The following HOOK2 variants were observed in gnomAD, a reference collection of about 807,000 sequenced individuals.
HOOK2 encodes protein Hook homolog 2.
In HOOK2, 108 loss-of-function variants were observed where a neutral mutation model predicts 111.9. The ratio of observed to expected loss-of-function variants is 0.96; its 90% CI spans 0.83 to 1.13. The LOEUF (loss-of-function observed/expected upper bound fraction) is 1.13. Among genes scored for constraint, HOOK2 ranks in the 50% most tolerant of loss-of-function variants. The pLI is 0.00. For synonymous variants in HOOK2, 405 were observed against 394.3 expected (o/e 1.03, Z -0.32); for missense variants, 978 against 951.3 (o/e 1.03, Z -0.37).
rs1402228016 is a variant in HOOK2, at chr19:12,790,416, G to A, written n.42-16191C>T. On this transcript the variant is annotated intron_variant and non_coding_transcript_variant, in intron 3 of 3. Transcript: ENST00000589765. This position sits in a 1 kb window ranked among gnomAD's most constrained non-coding sequence, Gnocchi z 7.2. ...CGACCGCGCCCCAGCCGTCGGGCTGGGTCCAGGCTCTAGGAGCCGACACGG... is the reference window on the plus strand; with the variant it reads ...CGACCGCGCCCCAGCCGTCGGGCTGAGTCCAGGCTCTAGGAGCCGACACGG... Among the ~76,000 whole-genome samples, 4 of 152,244 alleles carry A rather than the reference G, an allele frequency of 2.6e-5. No individual in the cohort carries two copies. Among genetic ancestry groups the A allele is most frequent in the Admixed American group, 6.5e-5 (1 of 15,284 alleles).
rs1330232985 is a variant in HOOK2, at chr19:12,790,796, T to A, written n.42-16571A>T. 6.6e-6 allele frequency among the ~76,000 whole-genome samples: 1 copy of A among 152,168 alleles called. No homozygotes were observed. Among genetic ancestry groups the A allele is most frequent in the Non-Finnish European group, 1.5e-5 (1 of 68,016 alleles). On this transcript the variant is annotated intron_variant and non_coding_transcript_variant, in intron 3 of 3. Coordinates refer to the HOOK2 transcript ENST00000589765. This position sits in a 1 kb window ranked among gnomAD's most constrained non-coding sequence, Gnocchi z 7.2. ...GCTTTCTGCATATCTAGACTTCCCC[T>A]AATGCCTCCTTCCCGCTTACGGGAG...
In HOOK2 at chr19:12,791,488, G is replaced by T. The variant is rs1425425214; in HGVS notation, n.42-17263C>A. On this transcript the variant is annotated intron_variant and non_coding_transcript_variant, in intron 3 of 3. Transcript: ENST00000589765. This position sits in a 1 kb window ranked among gnomAD's most constrained non-coding sequence, Gnocchi z 7.0. ...CGTGTGGCTCAGGCTGAGCGGCTGG[G>T]ACCTTGAGAGCGGCCAGGCCAGCCT... The T allele has an allele frequency of 5.2e-6, 2 of 385,048 alleles. No individual in the cohort carries two copies. The highest frequency in any genetic ancestry group is 9.3e-6 in the Non-Finnish European group (2 of 214,110). The allele number at this position is 385,048 out of a possible 1,614,324, so 23.9% of individuals were successfully genotyped here.
Position 12,769,975 on chromosome 19 carries a change from C to A in HOOK2, c.1010G>T (p.Arg337Leu). Reference protein sequence around the residue: ...LRRQVRQLEERNAGHAERTRQ... With the variant: ...LRRQVRQLEELNAGHAERTRQ... ...CGTGCGCTCGGCGTGGCCGGCGTTG[C>A]GTTCCTCCAGCTGCCGCACCTGCCG... Residue 337 changes from arginine to leucine, a missense_variant, in exon 11 of 23, where the codon CGC becomes CTC. Transcript: ENST00000397668. 6.4e-7 allele frequency: 1 copy of A among 1,551,346 alleles called. No homozygotes were observed. Among genetic ancestry groups the A allele is most frequent in the Non-Finnish European group, 8.7e-7 (1 of 1,154,668 alleles).
upstream of HOOK2, among the ~76,000 whole-genome samples, chr19:12,776,213 G>C (rs894890477): frequency 2.6e-5 from 4 of 151,794 alleles, no homozygotes; most frequent in African/African-American, 9.7e-5. Flanking sequence ...TTTATAATCG[G>C]AGCCGTTGTG....
At chr19:12,775,292 G>A in intron 1 of HOOK2, 113 bp downstream of exon 1, 2 of 1,493,752 alleles carry the variant, frequency 1.3e-6, no homozygotes, top group Non-Finnish European at 1.8e-6. Context: ...CCAGCAAGTC[G>A]ACGACCCCGC....
At chr19:12,768,963 A>ATTTT (rs757287596) in intron 11 of HOOK2, among the ~76,000 whole-genome samples, 15 of 122,320 alleles carry the variant, frequency 1.2e-4, no homozygotes, top group Admixed American at 1.7e-4. Context: ...AGCCCGGCTA[A>ATTTT]TTTTTTTTTT....
At position 12,791,770 on chromosome 19, in the gene HOOK2, G is replaced by T. The variant is rs1409996237; in HGVS notation, n.42-17545C>A. 6.3e-7 allele frequency: 1 copy of T among 1,598,712 alleles called. No homozygotes were observed. The highest frequency in any genetic ancestry group is 1.3e-5 in the African/African-American group (1 of 74,594). The stretch of plus-strand genomic sequence containing the variant: ...CCTCCCCAGACCGCCTGGGCCGCCC[G>T]GATGTGCACTAAAATGGAACAGCCC... On this transcript the variant is annotated intron_variant and non_coding_transcript_variant, in intron 3 of 3. Transcript: ENST00000589765. The surrounding 1 kb of genome is among the most constrained non-coding windows in gnomAD (Gnocchi z 7.0).
chr19:12,777,483 G>T (rs1456062974), upstream of HOOK2, among the ~76,000 whole-genome samples: 4 of 152,164 alleles, frequency 2.6e-5, no homozygotes, highest in Non-Finnish European at 5.9e-5. Context: ...CCTGTTTCAA[G>T]AAATAAATAA....
At chr19:12,765,548 G>A in intron 18 of HOOK2, 142 bp downstream of exon 18, 4 of 1,178,752 alleles carry the variant, frequency 3.4e-6, no homozygotes, top group Non-Finnish European at 3.7e-6. Flanking sequence ...AGGAGTCCGA[G>A]ACCAGCCTGG....
At chr19:12,779,339 A>G (rs1454663827), upstream of HOOK2, among the ~76,000 whole-genome samples, 3 of 152,094 alleles carry the variant, frequency 2.0e-5, no homozygotes. Context: ...CCACAACTGG[A>G]GAACAGTGCC....
intron 18 of HOOK2, 48 bp from the exon 19 acceptor site, chr19:12,765,129 C>G: frequency 6.3e-7 from 1 of 1,593,892 alleles, no homozygotes; most frequent in Non-Finnish European, 8.6e-7. Context: ...GGGCTGGCTT[C>G]TCTTTTGTCC....
At chr19:12,792,296 C>A (rs1968729687) in intron 3 of HOOK2, 1 of 1,498,822 alleles carries the variant, frequency 6.7e-7, no homozygotes, top group South Asian at 1.3e-5. Context: ...TCTACGCCGG[C>A]CCGGAGCCAC....
rs750127409 is a variant in HOOK2 at position 12,772,726 on chromosome 19, GAGGA to G, written c.388+50_389-47del. 744 of 1,613,804 alleles carry G rather than the reference GAGGA, an allele frequency of 4.6e-4. 5 individuals carry two copies. Among genetic ancestry groups the G allele is most frequent in the Admixed American group, 9.8e-4 (59 of 60,018 alleles). ...GGCTGAGACCCAGGGGTGAGGTGGGGAGGAAGGAGGATTTCCTCAGGCCAGCCCT... is the reference window on the plus strand; with the variant it reads ...GGCTGAGACCCAGGGGTGAGGTGGGGAGGAGGATTTCCTCAGGCCAGCCCT... On this transcript the variant is annotated intron_variant, in intron 5 of 22. Coordinates refer to ENST00000397668, the MANE Select transcript of HOOK2 (RefSeq NM_013312.3).
At position 12,786,405 on chromosome 19, in the gene HOOK2, G is replaced by A. The variant is rs989793122; in HGVS notation, n.42-12180C>T. ...TATTTATAAGAAGGAGAAGTCCCTCGTGCCAAGACCAAAAGCCCCGAAGAC... is the reference window on the plus strand; with the variant it reads ...TATTTATAAGAAGGAGAAGTCCCTCATGCCAAGACCAAAAGCCCCGAAGAC... On this transcript the variant is annotated intron_variant and non_coding_transcript_variant, in intron 3 of 3. Transcript: ENST00000589765. This position sits in a 1 kb window ranked among gnomAD's most constrained non-coding sequence, Gnocchi z 4.3. 1.3e-4 allele frequency among the ~76,000 whole-genome samples: 20 copies of A among 152,068 alleles called. No individual in the cohort carries two copies. The highest frequency in any genetic ancestry group is 2.1e-4 in the South Asian group (1 of 4,826).
chr19:12,778,979 A>G (rs1365532772), upstream of HOOK2, among the ~76,000 whole-genome samples: 1 of 152,174 alleles, frequency 6.6e-6, no homozygotes, highest in East Asian at 1.9e-4. Context: ...GGCACCTTTA[A>G]TTCAGCAAGA....
At chr19:12,792,343 C>A in intron 3 of HOOK2, 2 of 1,537,746 alleles carry the variant, frequency 1.3e-6, no homozygotes, top group Non-Finnish European at 8.8e-7. Context: ...TACTCCCCAG[C>A]CTCTGCGTCC....
chr19:12,772,826 C>A lies in HOOK2; in HGVS notation c.342G>T (p.Leu114=). ...EFSDPAELGK[L]LQLVLGCAIS... ...TGGCACAGCCCAGCACCAGCTGAAG[C>A]AGCTTGCCGAGCTCTGCCGGGTCTG... The change falls in exon 5 of 23, where the codon CTG becomes CTT. Residue 114 remains leucine, a synonymous_variant. Transcript: ENST00000397668. 1.2e-6 allele frequency: 2 copies of A among 1,614,200 alleles called. No homozygotes were observed. The highest frequency in any genetic ancestry group is 1.3e-5 in the African/African-American group (1 of 75,076).
At chr19:12,765,231 G>A (rs1968112836) in intron 18 of HOOK2, 150 bp from the exon 19 acceptor site, 1 of 740,366 alleles carries the variant, frequency 1.4e-6, no homozygotes, top group Non-Finnish European at 2.3e-6. Context: ...GGGGCTGTGT[G>A]CCCTGGTCCC....
chr19:12,767,757 T>G, intron 13 of HOOK2, 59 bp downstream of exon 13: 1 of 1,496,188 alleles, frequency 6.7e-7, no homozygotes, highest in South Asian at 1.2e-5. Flanking sequence ...GGACACAACC[T>G]GTTCTACCCA....
Sources: allele counts gnomAD v4.1 joint callset (sites outside exome capture counted in the v4.1 genomes callset), GRCh38; gene constraint gnomAD v4.1.1; non-coding constraint Gnocchi (gnomAD v3.1); transcripts MANE v1.5; gene names NCBI Gene and HGNC (gene_info 2026-07-23, HGNC 2026-07-21).